Variants in TRPM3 observed in about 807,000 individuals in gnomAD.
The protein encoded by TRPM3 is transient receptor potential cation channel subfamily M member 3, also known as long transient receptor potential channel 3.
TRPM3 carries 77 observed loss-of-function variants against 181.2 expected under a neutral mutation model. The ratio of observed to expected loss-of-function variants is 0.42; its 90% CI spans 0.35 to 0.51. The LOEUF is 0.51. Among genes scored for constraint, TRPM3 ranks in the 20% least tolerant of loss-of-function variants. TRPM3 has a pLI of 0.01. For synonymous variants in TRPM3, 745 were observed against 796.4 expected, an observed-to-expected ratio of 0.94 and a Z score of 1.09; for missense variants, 1,759 against 2,196.7, an observed-to-expected ratio of 0.80 and a Z score of 3.98.
chr9:71,134,704 C>T (rs1273948005), intron 1 of TRPM3, among the ~76,000 whole-genome samples: 1 of 152,180 alleles, frequency 6.6e-6, no homozygotes, highest in Non-Finnish European at 1.5e-5. Context: ...ACAAAGTTGA[C>T]TGGCAAAAGC....
chr9:70,649,058 C>G (rs113714273), intron 9 of TRPM3, among the ~76,000 whole-genome samples: 5 of 152,122 alleles, frequency 3.3e-5, no homozygotes, highest in African/African-American at 9.6e-5. Context: ...AATGGACAAC[C>G]TAAAGAATAT....
intron 25 of TRPM3, 91 bp from the exon 26 acceptor site, chr9:70,537,496 G>T: frequency 8.3e-7 from 1 of 1,207,134 alleles, no homozygotes; most frequent in South Asian, 3.1e-5. Flanking sequence ...AGCTGTGCCT[G>T]ACCTTGGTAC....
rs2095582590 is a variant in TRPM3, at chr9:70,863,970, T to C, written c.257+462A>G. ...TATCCCAAATGCTTCTTATCTTATA[T>C]ATTGTTGATCCTAAGGAAGGTAAGT... On this transcript the variant is annotated intron_variant, in intron 2 of 25. Coordinates refer to ENST00000677713, the MANE Select transcript of TRPM3 (RefSeq NM_001366145.2). 2.0e-5 allele frequency among the ~76,000 whole-genome samples: 3 copies of C among 152,122 alleles called. No individual in the cohort carries two copies. The South Asian group carries it at 6.2e-4, about 32-fold the overall frequency.
chr9:71,011,440 C>T lies in TRPM3; in HGVS notation c.177+109738G>A, dbSNP rs371976289. ...GTTATGCCAATTATAAACAAAAAAT[C>T]ATTTTTTAAATTATAAAATAAATAA... On this transcript the variant is annotated intron_variant, in intron 1 of 25. Coordinates refer to ENST00000677713, the MANE Select transcript of TRPM3 (RefSeq NM_001366145.2). 5.3e-5 allele frequency among the ~76,000 whole-genome samples: 8 copies of T among 152,140 alleles called. No homozygotes were observed. The East Asian group carries it at 1.4e-3, about 26-fold the overall frequency.
chr9:71,184,011 G>A (rs577151920), intron 1 of TRPM3, among the ~76,000 whole-genome samples: 3 of 152,140 alleles, frequency 2.0e-5, no homozygotes, highest in East Asian at 3.9e-4. Context: ...CAGCTTTGCC[G>A]CATCTCTCAC....
At chr9:71,211,524 C>T (rs537961939) in intron 1 of TRPM3, among the ~76,000 whole-genome samples, 1 of 152,044 alleles carries the variant, frequency 6.6e-6, no homozygotes, top group Non-Finnish European at 1.5e-5. Flanking sequence ...AATTTACTGT[C>T]TCATAGTTTG....
chr9:71,419,753 AAC>A (rs1435610608), intron 1 of TRPM3, among the ~76,000 whole-genome samples: 1 of 151,942 alleles, frequency 6.6e-6, no homozygotes, highest in Non-Finnish European at 1.5e-5. Context: ...CCACAATTAA[AAC>A]AGTTGAAATA....
At chr9:70,955,181 C>G (rs559563935) in intron 1 of TRPM3, among the ~76,000 whole-genome samples, 1 of 151,664 alleles carries the variant, frequency 6.6e-6, no homozygotes, top group Non-Finnish European at 1.5e-5. Context: ...CTTTGAGAGA[C>G]GAAAAAAAAG....
At chr9:71,305,681 G>A (rs2087228294) in intron 1 of TRPM3, among the ~76,000 whole-genome samples, 1 of 152,100 alleles carries the variant, frequency 6.6e-6, no homozygotes, top group Non-Finnish European at 1.5e-5. Flanking sequence ...AAAGATTTTA[G>A]TCTGTAAGCA....
At position 70,592,313 on chromosome 9, in the gene TRPM3, G is replaced by A. The variant is rs374346959; in HGVS notation, c.3049-1108C>T. 6.3e-4 allele frequency among the ~76,000 whole-genome samples: 96 copies of A among 152,260 alleles called. 2 individuals carry two copies. The South Asian group carries it at 0.018, about 29-fold the overall frequency. On this transcript the variant is annotated intron_variant, in intron 21 of 25. Transcript: ENST00000677713. Reference sequence around the variant, plus strand: ...ACAGGCCAACCAGAATCCTTGTATTGGCTTTGCTTTGTTTTGTTTTTAACT... The same window carrying A: ...ACAGGCCAACCAGAATCCTTGTATTAGCTTTGCTTTGTTTTGTTTTTAACT...
At chr9:71,181,122 T>G (rs1043680682) in intron 1 of TRPM3, among the ~76,000 whole-genome samples, 7 of 152,090 alleles carry the variant, frequency 4.6e-5, no homozygotes, top group Non-Finnish European at 1.0e-4. Context: ...TAAAAAATAT[T>G]CCTACTTTAT....
chr9:70,602,687 A>G (rs555339512), intron 20 of TRPM3, among the ~76,000 whole-genome samples: 5 of 152,302 alleles, frequency 3.3e-5, no homozygotes, highest in Admixed American at 3.3e-4. Context: ...GCAGCTCTGA[A>G]TCTGATGGGC....
chr9:71,023,970 T>C (rs2097868066), intron 1 of TRPM3, among the ~76,000 whole-genome samples: 2 of 152,112 alleles, frequency 1.3e-5, no homozygotes, highest in Non-Finnish European at 2.9e-5. Context: ...TAAAACTAAA[T>C]ACACACACAA....
chr9:70,913,682 C>T (rs1384536540), intron 1 of TRPM3, among the ~76,000 whole-genome samples: 1 of 152,122 alleles, frequency 6.6e-6, no homozygotes, highest in Admixed American at 6.5e-5. Flanking sequence ...CAGAAAAAAA[C>T]CACCAGACTG....
intron 1 of TRPM3, among the ~76,000 whole-genome samples, chr9:71,035,562 C>T (rs1565035291): frequency 6.6e-6 from 1 of 151,966 alleles, no homozygotes; most frequent in South Asian, 2.1e-4. Context: ...GCTAAAAATA[C>T]AAAAATTAGC....
intron 1 of TRPM3, among the ~76,000 whole-genome samples, chr9:71,308,331 A>C (rs2132380071): frequency 6.6e-6 from 1 of 152,268 alleles, no homozygotes; most frequent in Non-Finnish European, 1.5e-5. Context: ...TGAAGGTCTA[A>C]ATTTAGAGGA....
intron 1 of TRPM3, among the ~76,000 whole-genome samples, chr9:71,082,850 A>G (rs2064603043): frequency 6.6e-6 from 1 of 152,188 alleles, no homozygotes; most frequent in Non-Finnish European, 1.5e-5. Context: ...AAAACACAAT[A>G]GATATTAAGT....
chr9:70,850,440 A>G (rs1164328527), intron 3 of TRPM3, among the ~76,000 whole-genome samples: 2 of 152,188 alleles, frequency 1.3e-5, no homozygotes, highest in Non-Finnish European at 2.9e-5. Context: ...TAAAGAAAAG[A>G]ATAAATAAAT....
chr9:71,080,203 T>TAAATAAATAAATAAATAAATA (rs1483714998), intron 1 of TRPM3, among the ~76,000 whole-genome samples: 1 of 149,940 alleles, frequency 6.7e-6, no homozygotes, highest in African/African-American at 2.5e-5. Context: ...AATAAATAAA[T>TAAATAAATAAATAAATAAATA]AAATAAAATA....
Sources: gnomAD v4.1 joint callset for allele counts (sites outside exome capture counted in the v4.1 genomes callset) on GRCh38, gnomAD v4.1.1 for gene constraint, MANE v1.5 for transcripts, NCBI Gene and HGNC (gene_info 2026-07-23, HGNC 2026-07-21) for gene names.